Variants in DPH7 observed in about 807,000 individuals in gnomAD.
DPH7 encodes diphthine methyltransferase.
DPH7 carries 44 observed loss-of-function variants against 41.7 expected under a neutral mutation model. The observed-to-expected ratio is 1.05, with a 90% CI of 0.83 to 1.36. DPH7 has a LOEUF of 1.36. DPH7 is among the 40% of genes most tolerant of loss of function. The probability of loss-of-function intolerance (pLI) is 0.00; values close to 1 mark genes in which losing one functional copy is unlikely to be tolerated. For synonymous variants in DPH7, 275 were observed against 238.0 expected (o/e 1.16, Z -1.43); for missense variants, 629 against 577.5 (o/e 1.09, Z -0.91).
intron 1 of DPH7, 93 bp downstream of exon 1, chr9:137,578,532 C>T: frequency 7.6e-7 from 1 of 1,310,648 alleles, no homozygotes; most frequent in Non-Finnish European, 9.9e-7. Flanking sequence ...GGGCCAATAT[C>T]CCCTCTTCAT....
Position 137,573,094 on chromosome 9 carries a change from G to C in DPH7, c.640+1114C>G, listed in dbSNP as rs548376312. 5.3e-5 allele frequency among the ~76,000 whole-genome samples: 8 copies of C among 152,346 alleles called. No individual in the cohort carries two copies. In the South Asian group the frequency reaches 1.7e-3, roughly 32 times the overall value. Reference sequence around the variant, plus strand: ...AAGAATAAGTGGGCGGGGCAAGGTGGCTCACGCCTGTAATCCCAGCACTTT... The same window carrying C: ...AAGAATAAGTGGGCGGGGCAAGGTGCCTCACGCCTGTAATCCCAGCACTTT... On this transcript the variant is annotated intron_variant, in intron 5 of 8. Transcript: ENST00000277540.
At chr9:137,576,298 C>A in intron 2 of DPH7, 131 bp from the exon 3 acceptor site, 2 of 709,272 alleles carry the variant, frequency 2.8e-6, no homozygotes. Flanking sequence ...CTGGGACATC[C>A]TACTACACAC....
intron 5 of DPH7, among the ~76,000 whole-genome samples, chr9:137,573,917 T>C (rs779917920): frequency 2.0e-5 from 3 of 151,772 alleles, no homozygotes; most frequent in Non-Finnish European, 4.4e-5. Context: ...AACACAAAAA[T>C]TAGCTGGGTG....
intron 2 of DPH7, chr9:137,576,409 A>G (rs983237992): frequency 3.7e-5 from 19 of 518,772 alleles, no homozygotes; most frequent in Non-Finnish European, 5.9e-5. Context: ...ATATCTAAAC[A>G]TAGAAAAGAT....
rs1367354102 is a variant in DPH7 at position 137,564,903 on chromosome 9, C to A, written c.766G>T (p.Ala256Ser). ...QSSPHREHIL[A>S]TGSYDEHILL... Reference sequence around the variant, plus strand: ...CTCCTGGGGACTCACCTTCCCGTGGCCAGGATGTGCTCCCGATGAGGGCTG... The same window carrying A: ...CTCCTGGGGACTCACCTTCCCGTGGACAGGATGTGCTCCCGATGAGGGCTG... Residue 256 changes from alanine (A) to serine (S), a missense_variant, in exon 7 of 9, where the codon GCC (alanine) becomes TCC (serine). Ala to Ser is a moderately conservative substitution (Grantham distance 99). Transcript: ENST00000277540. 1.3e-6 allele frequency: 2 copies of A among 1,595,888 alleles called. No individual in the cohort carries two copies. The highest frequency in any genetic ancestry group is 8.5e-7 in the Non-Finnish European group (1 of 1,171,322).
intron 3 of DPH7, chr9:137,575,381 AG>A: frequency 1.0e-6 from 1 of 988,296 alleles, no homozygotes; most frequent in South Asian, 4.7e-5. Context: ...TGCTCCCAGC[AG>A]GCTGCTGTAC....
intron 1 of DPH7, chr9:137,577,890 G>T: frequency 1.1e-6 from 1 of 887,410 alleles, no homozygotes; most frequent in Non-Finnish European, 1.4e-6. Flanking sequence ...ACTTACGCCT[G>T]TTGTTCCAGT....
In DPH7 at chr9:137,555,387, C is replaced by A; in HGVS notation, c.1211G>T (p.Arg404Met). 1.2e-6 allele frequency: 2 copies of A among 1,614,232 alleles called. No homozygotes were observed. The highest frequency in any genetic ancestry group is 1.7e-6 in the Non-Finnish European group (2 of 1,180,044). ...AGCCTGCAGCCAGGTGCCATTCTTC[C>A]TCATGCCCTCTGTGAGTGGCTTCAT... ...SGMKPLTEGM[R>M]KNGTWLQATA... is the part of the protein sequence containing the mutation. The change falls in exon 9 of 9, where the codon AGG (arginine) becomes ATG (methionine). Residue 404 changes from arginine to methionine, a missense_variant. By Grantham distance (91) the Arg-to-Met change is moderately conservative. Coordinates refer to ENST00000277540, the MANE Select transcript of DPH7 (RefSeq NM_138778.5).
chr9:137,575,974 T>A, intron 3 of DPH7, 106 bp downstream of exon 3: 1 of 1,576,326 alleles, frequency 6.3e-7, no homozygotes, highest in Non-Finnish European at 8.6e-7. Flanking sequence ...TAGCTCACCA[T>A]TGAAGAGAGA....
chr9:137,557,575 T>C (rs1218355738), intron 8 of DPH7, among the ~76,000 whole-genome samples: 1 of 151,398 alleles, frequency 6.6e-6, no homozygotes, highest in Non-Finnish European at 1.5e-5. Flanking sequence ...TTCCAGCACT[T>C]TGGGAGGCCG....
At chr9:137,574,663 C>A (rs1227581671) in intron 4 of DPH7, 89 bp downstream of exon 4, 6 of 1,275,274 alleles carry the variant, frequency 4.7e-6, no homozygotes, top group Non-Finnish European at 5.6e-6. Context: ...AGTCGCAGCT[C>A]GCTGAAGGTG....
At chr9:137,559,290 C>A (rs547370662) in intron 8 of DPH7, among the ~76,000 whole-genome samples, 20 of 150,296 alleles carry the variant, frequency 1.3e-4, no homozygotes, top group East Asian at 5.9e-4. Flanking sequence ...CACCAGAGGG[C>A]TCCTTGGTCT....
At chr9:137,561,951 G>A (rs11137132) in intron 8 of DPH7, among the ~76,000 whole-genome samples, 38,307 of 151,942 alleles carry the variant, frequency 0.25, 5,094 homozygotes, top group Admixed American at 0.36. Context: ...TGCAAGCTCC[G>A]CCTCCTGGGT....
chr9:137,562,255 C>T (rs1369140787), intron 8 of DPH7, among the ~76,000 whole-genome samples: 2 of 152,152 alleles, frequency 1.3e-5, no homozygotes, highest in Non-Finnish European at 2.9e-5. Flanking sequence ...CAGGCACCTA[C>T]AGGGCACTCC....
Position 137,568,990 on chromosome 9 carries a change from C to T in DPH7, c.641-3836G>A, listed in dbSNP as rs541431539. On this transcript the variant is annotated intron_variant, in intron 5 of 8. Coordinates refer to ENST00000277540, the MANE Select transcript of DPH7 (RefSeq NM_138778.5). ...CACCATGCACCTGAAAGGAAGGTGC[C>T]CTCTGTCATCTTAAAGCACTTGTTT... Among the ~76,000 whole-genome samples, 6 of 152,094 alleles carry T rather than the reference C, an allele frequency of 3.9e-5. No homozygotes were observed. In the South Asian group the frequency reaches 1.2e-3, roughly 32 times the overall value.
intron 8 of DPH7, among the ~76,000 whole-genome samples, chr9:137,558,115 G>A (rs2132814395): frequency 6.6e-6 from 1 of 152,266 alleles, no homozygotes; most frequent in South Asian, 2.1e-4. Flanking sequence ...CAGCCTGGGA[G>A]ACAGAGCAAG....
In DPH7 at chr9:137,574,729, C is replaced by T. The variant is rs368039479; in HGVS notation, c.467+23G>A. Reference sequence around the variant, plus strand: ...TGGTTCTCAGAGAAAGACTCAGGACCCCTGACCAAGCCTGGCCCTTACCTT... The same window carrying T: ...TGGTTCTCAGAGAAAGACTCAGGACTCCTGACCAAGCCTGGCCCTTACCTT... On this transcript the variant is annotated intron_variant, in intron 4 of 8. Transcript: ENST00000277540. 2.7e-5 allele frequency: 43 copies of T among 1,610,654 alleles called. No individual in the cohort carries two copies. The Middle Eastern group carries it at 6.5e-3, about 242-fold the overall frequency.
Position 137,577,582 on chromosome 9 carries a change from G to C in DPH7, c.175C>G (p.Pro59Ala), listed in dbSNP as rs1296347940. 3 of 1,613,784 alleles carry C rather than the reference G, an allele frequency of 1.9e-6. No homozygotes were observed. The highest frequency in any genetic ancestry group is 1.3e-5 in the African/African-American group (1 of 74,928). The change falls in exon 2 of 9, where the codon CCT (proline) becomes GCT (alanine). Residue 59 changes from proline (P) to alanine (A), a missense_variant. Transcript: ENST00000277540. Reference sequence around the variant, plus strand: ...AAGAGACGGCCTAAACGGACCTGAGGCTCCTTAACTTCCATTCCACCCTAC... The same window carrying C: ...AAGAGACGGCCTAAACGGACCTGAGCCTCCTTAACTTCCATTCCACCCTAC... ...QNKGGMEVKE[P>A]QVRLGRLFLY...
At chr9:137,568,488 T>G (rs111659543) in intron 5 of DPH7, among the ~76,000 whole-genome samples, 12 of 87,004 alleles carry the variant, frequency 1.4e-4, no homozygotes, top group Admixed American at 6.2e-4. Flanking sequence ...GAAGCTCCCC[T>G]GGGTGACTCT....
Sources: gnomAD v4.1 joint callset for allele counts (sites outside exome capture counted in the v4.1 genomes callset) on GRCh38, gnomAD v4.1.1 for gene constraint, MANE v1.5 for transcripts, NCBI Gene and HGNC (gene_info 2026-07-23, HGNC 2026-07-21) for gene names.